The following PTPRM variants were observed in gnomAD, a reference collection of about 807,000 sequenced individuals.
PTPRM encodes the protein protein tyrosine phosphatase receptor type M.
Under a neutral mutation model 186.7 loss-of-function variants are expected in PTPRM, and 47 were observed. That is an observed-to-expected ratio of 0.25 (90% CI 0.20 to 0.32). The LOEUF is 0.32. PTPRM is among the 10% of genes least tolerant of loss of function. The probability of loss-of-function intolerance (pLI) is 1.00; values close to 1 mark genes in which losing one functional copy is unlikely to be tolerated. For missense variants in PTPRM, 1,494 were observed against 1,865.0 expected (o/e 0.80, Z 3.66); for synonymous variants, 668 against 674.9 (o/e 0.99, Z 0.16).
chr18:8,142,260 G>A (rs984490232), intron 13 of PTPRM, among the ~76,000 whole-genome samples: 5 of 152,054 alleles, frequency 3.3e-5, no homozygotes, highest in Admixed American at 1.3e-4. Context: ...CTGCTGTTGC[G>A]GCTCTCAAAT....
chr18:7,716,509 C>T (rs1007091265), intron 1 of PTPRM, among the ~76,000 whole-genome samples: 2 of 152,154 alleles, frequency 1.3e-5, no homozygotes, highest in Non-Finnish European at 1.5e-5. Context: ...AACTAAAGAG[C>T]TTCTGCACAA....
intron 1 of PTPRM, among the ~76,000 whole-genome samples, chr18:7,760,136 C>G (rs1418727202): frequency 2.6e-5 from 4 of 152,172 alleles, no homozygotes; most frequent in Non-Finnish European, 5.9e-5. Flanking sequence ...TGCCGCTTCT[C>G]TTTTTGCTTT....
At chr18:7,685,728 G>T (rs1485063594) in intron 1 of PTPRM, among the ~76,000 whole-genome samples, 16 of 151,000 alleles carry the variant, frequency 1.1e-4, no homozygotes, top group African/African-American at 1.9e-4. Context: ...TTTTTTTTTT[G>T]TTTGTTTGTT....
At chr18:7,838,900 C>A (rs1032026512) in intron 2 of PTPRM, among the ~76,000 whole-genome samples, 1 of 152,226 alleles carries the variant, frequency 6.6e-6, no homozygotes, top group Non-Finnish European at 1.5e-5. Flanking sequence ...CATTCCCACT[C>A]TTCCCTCCCC....
chr18:8,265,533 T>A (rs1033249961), intron 19 of PTPRM, among the ~76,000 whole-genome samples: 1 of 152,182 alleles, frequency 6.6e-6, no homozygotes, highest in East Asian at 1.9e-4. Flanking sequence ...AAATCTTCTC[T>A]GGAAGTTGAT....
At chr18:8,023,860 A>ATG (rs2085384856) in intron 7 of PTPRM, among the ~76,000 whole-genome samples, 1 of 142,686 alleles carries the variant, frequency 7.0e-6, no homozygotes, top group Admixed American at 7.2e-5. Context: ...ACACACACAC[A>ATG]CACACACACA....
intron 1 of PTPRM, among the ~76,000 whole-genome samples, chr18:7,757,625 T>A (rs1437456869): frequency 4.6e-5 from 7 of 151,854 alleles, no homozygotes; most frequent in African/African-American, 1.5e-4. Context: ...CCATGTGGGG[T>A]GATAAGGGGC....
At chr18:8,201,662 C>T (rs2146846606) in intron 14 of PTPRM, among the ~76,000 whole-genome samples, 1 of 152,254 alleles carries the variant, frequency 6.6e-6, no homozygotes, top group African/African-American at 2.4e-5. Flanking sequence ...GTGTGGATGA[C>T]CACCTTCTTG....
In PTPRM at chr18:8,364,687, G is replaced by A. The variant is rs183145289; in HGVS notation, c.3055-6203G>A. ...AATAGAAGTATGGATACTCGGTTTG[G>A]ATATCTCTTTCAAAACAAAGAAGAG... is the stretch of plus-strand genomic sequence containing the variant. On this transcript the variant is annotated intron_variant, in intron 23 of 32. Coordinates refer to ENST00000580170, the MANE Select transcript of PTPRM (RefSeq NM_001105244.2). 4.6e-5 allele frequency among the ~76,000 whole-genome samples: 7 copies of A among 152,250 alleles called. No individual in the cohort carries two copies. The East Asian group carries it at 1.4e-3, about 29-fold the overall frequency.
chr18:7,611,617 A>G (rs573252340), intron 1 of PTPRM, among the ~76,000 whole-genome samples: 2 of 152,112 alleles, frequency 1.3e-5, no homozygotes, highest in African/African-American at 2.4e-5. Flanking sequence ...TCCCCACCCA[A>G]ATCTCATCTT....
chr18:7,901,630 C>T (rs2049692838), intron 3 of PTPRM, among the ~76,000 whole-genome samples: 1 of 152,092 alleles, frequency 6.6e-6, no homozygotes, highest in South Asian at 2.1e-4. Flanking sequence ...TCCCAAAGTG[C>T]TGGGATTACA....
intron 1 of PTPRM, among the ~76,000 whole-genome samples, chr18:7,647,011 G>A (rs2038581445): frequency 6.6e-6 from 1 of 152,106 alleles, no homozygotes; most frequent in Non-Finnish European, 1.5e-5. Flanking sequence ...TTTGCCATGT[G>A]TCTTAGCACA....
chr18:7,679,161 G>A (rs951862073), intron 1 of PTPRM, among the ~76,000 whole-genome samples: 16 of 152,164 alleles, frequency 1.1e-4, no homozygotes, highest in African/African-American at 3.9e-4. Flanking sequence ...AATGCATTCT[G>A]TAACTCCAAG....
chr18:8,326,822 G>C (rs551369897), intron 22 of PTPRM, among the ~76,000 whole-genome samples: 1 of 152,146 alleles, frequency 6.6e-6, no homozygotes, highest in Non-Finnish European at 1.5e-5. Flanking sequence ...AGAATTAAAT[G>C]TGAAACCTCA....
chr18:7,894,691 A>C (rs76632025), intron 3 of PTPRM, among the ~76,000 whole-genome samples: 4,179 of 152,020 alleles, frequency 0.027, 195 homozygotes, highest in African/African-American at 0.096. Flanking sequence ...GGTGCATAAA[A>C]CTCAATATCC....
intron 7 of PTPRM, among the ~76,000 whole-genome samples, chr18:8,016,078 T>C (rs2084839729): frequency 6.6e-6 from 1 of 152,174 alleles, no homozygotes; most frequent in African/African-American, 2.4e-5. Context: ...GCTGTGTTAC[T>C]AGAAAAAGAT....
chr18:7,979,534 A>G (rs900243233), intron 7 of PTPRM, among the ~76,000 whole-genome samples: 88 of 152,360 alleles, frequency 5.8e-4, no homozygotes, highest in African/African-American at 2.0e-3. Context: ...TCCAAATGAA[A>G]AATACTCGTT....
intron 17 of PTPRM, among the ~76,000 whole-genome samples, chr18:8,250,873 A>T (rs1017347277): frequency 6.6e-6 from 1 of 152,112 alleles, no homozygotes; most frequent in African/African-American, 2.4e-5. Context: ...AATATATTTT[A>T]TCAATAATAA....
At chr18:8,154,022 G>A (rs894506027) in intron 14 of PTPRM, among the ~76,000 whole-genome samples, 3 of 152,160 alleles carry the variant, frequency 2.0e-5, no homozygotes, top group South Asian at 2.1e-4. Flanking sequence ...TAGAAGTACC[G>A]CATGTGTTTT....
Sources: gnomAD v4.1 joint callset for allele counts (sites outside exome capture counted in the v4.1 genomes callset) on GRCh38, gnomAD v4.1.1 for gene constraint, MANE v1.5 for transcripts, NCBI Gene and HGNC (gene_info 2026-07-23, HGNC 2026-07-21) for gene names.